The following ENTPD8 variants were observed in gnomAD, a reference collection of about 807,000 sequenced individuals.
ENTPD8 encodes the protein E-NTPDase 8.
ENTPD8 carries 35 observed loss-of-function variants against 47.0 expected under a neutral mutation model. The ratio of observed to expected loss-of-function variants is 0.75; its 90% CI spans 0.57 to 0.99. The LOEUF is 0.99. Among genes scored for constraint, ENTPD8 ranks in the 50% least tolerant of loss-of-function variants. ENTPD8 has a pLI of 0.00. For synonymous variants in ENTPD8, 308 were observed against 290.5 expected (o/e 1.06, Z -0.61); for missense variants, 668 against 649.9 (o/e 1.03, Z -0.30).
chr9:137,435,367 T>C lies in ENTPD8; in HGVS notation c.1162-29A>G, dbSNP rs745893259. ...GGGCCCAGGAGACCAAGAGGCGAGG[T>C]GAGGGCCCCTGATCCCCAGTCATGC... is the stretch of plus-strand genomic sequence containing the variant. On this transcript the variant is annotated intron_variant, in intron 8 of 9. Transcript: ENST00000371506. 3 of 1,596,148 alleles carry C rather than the reference T, an allele frequency of 1.9e-6. No homozygotes were observed. In the Admixed American group the frequency reaches 5.1e-5, roughly 27 times the overall value.
rs1434098615 is a variant in ENTPD8 at position 137,441,293 on chromosome 9, G to T, written c.-28C>A. ...ATCCCTTTGGACCCTCACCTGGGCTGGCTGCCCACTTCCCGGAGCGGCAAG... is the reference window on the plus strand; with the variant it reads ...ATCCCTTTGGACCCTCACCTGGGCTTGCTGCCCACTTCCCGGAGCGGCAAG... On this transcript the variant is annotated 5_prime_UTR_variant, in exon 1 of 10. Coordinates refer to ENST00000371506, the MANE Select transcript of ENTPD8 (RefSeq NM_001033113.2). The T allele has an allele frequency of 2.2e-5, 6 of 271,974 alleles. No individual in the cohort carries two copies. Among genetic ancestry groups the T allele is most frequent in the Non-Finnish European group, 4.5e-5 (6 of 131,940 alleles). The allele number at this position is 271,974 out of a possible 1,614,324, so 16.8% of individuals were successfully genotyped here. A position where few individuals can be genotyped will look rare whatever the true frequency, so the allele number is the denominator to read the frequency against.
In ENTPD8 at chr9:137,435,030, C is replaced by A. The variant is rs147294137; in HGVS notation, c.1372G>T (p.Ala458Ser). 3.6e-5 allele frequency: 58 copies of A among 1,612,774 alleles called. No individual in the cohort carries two copies. In the African/African-American group the frequency reaches 6.8e-4, roughly 19 times the overall value. The change falls in exon 10 of 10, where the codon GCT becomes TCT. Residue 458 changes from alanine (A) to serine (S), a missense_variant. Coordinates refer to ENST00000371506, the MANE Select transcript of ENTPD8 (RefSeq NM_001033113.2). The part of the protein sequence containing the change: ...LTGMIPADAP[A>S]QWRAESYGVW... Reference sequence around the variant, plus strand: ...CCGTAGCTCTCTGCCCGCCACTGAGCCGGCGCATCGGCCGGGATCATCCCG... The same window carrying A: ...CCGTAGCTCTCTGCCCGCCACTGAGACGGCGCATCGGCCGGGATCATCCCG...
At chr9:137,439,021 C>T (rs530453909) in intron 1 of ENTPD8, among the ~76,000 whole-genome samples, 80 of 152,256 alleles carry the variant, frequency 5.3e-4, no homozygotes, top group African/African-American at 1.9e-3. Flanking sequence ...GGGTTTCTCT[C>T]TGGAGCCCTG....
chr9:137,435,054 C>G lies in ENTPD8; in HGVS notation c.1348G>C (p.Gly450Arg). The change falls in exon 10 of 10, where the codon GGG becomes CGG. Residue 450 changes from glycine (G) to arginine (R), a missense_variant. Gly to Arg is a moderately radical substitution (Grantham distance 125). Coordinates refer to ENST00000371506, the MANE Select transcript of ENTPD8 (RefSeq NM_001033113.2). Reference sequence around the variant, plus strand: ...GCCGGCGCATCGGCCGGGATCATCCCGGTCAGGTTCAGCATGTAGCCCAGT... The same window carrying G: ...GCCGGCGCATCGGCCGGGATCATCCGGGTCAGGTTCAGCATGTAGCCCAGT... ...WTLGYMLNLT[G>R]MIPADAPAQW... 3 of 1,612,338 alleles carry G rather than the reference C, an allele frequency of 1.9e-6. No individual in the cohort carries two copies. The highest frequency in any genetic ancestry group is 2.5e-6 in the Non-Finnish European group (3 of 1,179,862).
Position 137,436,104 on chromosome 9 carries a change from A to AT in ENTPD8, c.958dup (p.Ile320AsnfsTer19). On this transcript the variant is annotated frameshift_variant, in exon 7 of 10. Coordinates refer to ENST00000371506, the MANE Select transcript of ENTPD8 (RefSeq NM_001033113.2). LOFTEE classifies it high-confidence loss of function. ...GCTGGAGAAGTTGAAAAGTTCCCGG[A>AT]TGGCTGAGACGCAGGCTCCAGGGTT... 5 of 1,613,008 alleles carry AT rather than the reference A, an allele frequency of 3.1e-6. No individual in the cohort carries two copies. Among genetic ancestry groups the AT allele is most frequent in the Non-Finnish European group, 4.2e-6 (5 of 1,179,984 alleles).
chr9:137,437,003 C>T lies in ENTPD8; in HGVS notation c.421G>A (p.Asp141Asn). The T allele has an allele frequency of 1.9e-6, 3 of 1,612,800 alleles. No individual in the cohort carries two copies. Among genetic ancestry groups the T allele is most frequent in the South Asian group, 2.2e-5 (2 of 91,076 alleles). Residue 141 changes from aspartate (D) to asparagine (N), a missense_variant, in exon 5 of 10, where the codon GAC (aspartate) becomes AAC (asparagine). By Grantham distance (23) the Asp-to-Asn change is conservative (BLOSUM62 1). Coordinates refer to ENST00000371506, the MANE Select transcript of ENTPD8 (RefSeq NM_001033113.2). ...ACCTGGGTGACTGCTGCAAAGATGT[C>T]CCTGGCCTGAGAGCTGTTCTTCCGG... The part of the protein sequence containing the change: ...LSRKNSSQAR[D>N]IFAAVTQVLG...
chr9:137,438,478 G>A lies in ENTPD8; in HGVS notation c.-20-173C>T, dbSNP rs763604890. Among the ~76,000 whole-genome samples the A allele has an allele frequency of 6.6e-6, 1 of 151,304 alleles. No individual in the cohort carries two copies. The highest frequency in any genetic ancestry group is 1.5e-5 in the Non-Finnish European group (1 of 67,750). On this transcript the variant is annotated intron_variant, in intron 1 of 9. Coordinates refer to ENST00000371506, the MANE Select transcript of ENTPD8 (RefSeq NM_001033113.2). The surrounding 1 kb of genome is among the most constrained non-coding windows in gnomAD (Gnocchi z 5.7). ...CCGTGGCCATAGAGGCATCCCCGGG[G>A]CTCAGACGGTCTCCCGTGGCCTTAG...
Position 137,434,463 on chromosome 9 carries a change from C to A in ENTPD8, c.*451G>T. ...GGCTGGCCCAGCAGAAGCCCCCAGG[C>A]CTGGACTCCATCCATCTGCTCAGAC... On this transcript the variant is annotated 3_prime_UTR_variant, in exon 10 of 10. Transcript: ENST00000371506. 7.4e-7 allele frequency: 1 copy of A among 1,345,166 alleles called. No individual in the cohort carries two copies. Among genetic ancestry groups the A allele is most frequent in the Non-Finnish European group, 1.0e-6 (1 of 992,514 alleles). The allele number at this position is 1,345,166 out of a possible 1,614,324, so 83.3% of individuals were successfully genotyped here. A position where few individuals can be genotyped will look rare whatever the true frequency, so the allele number is the denominator to read the frequency against.
chr9:137,436,923 G>A lies in ENTPD8; in HGVS notation c.501C>T (p.Ala167=), dbSNP rs139821464. The part of the protein sequence containing the change: ...FWGAELLAGQ[A]EGAFGWITVN... ...CAGTGATCCAACCAAAGGCACCTTC[G>A]GCCTGCCCGGCCAGGAGCTCGGCAC... The change falls in exon 5 of 10, where the codon GCC becomes GCT. Residue 167 remains alanine, a synonymous_variant. Transcript: ENST00000371506. 1.3e-3 allele frequency: 2,066 copies of A among 1,613,052 alleles called. 36 individuals carry two copies. In the South Asian group the frequency reaches 0.016, roughly 12 times the overall value.
In ENTPD8 at chr9:137,436,500, C is replaced by A. The variant is rs199629332; in HGVS notation, c.786+21G>T. On this transcript the variant is annotated intron_variant, in intron 6 of 9. Coordinates refer to ENST00000371506, the MANE Select transcript of ENTPD8 (RefSeq NM_001033113.2). Reference sequence around the variant, plus strand: ...AGCCCTGTTCCCACAGCCCCATGCACCCTCCCCAGGGCCAGCTGACCTGTA... The same window carrying A: ...AGCCCTGTTCCCACAGCCCCATGCAACCTCCCCAGGGCCAGCTGACCTGTA... The A allele has an allele frequency of 5.1e-6, 8 of 1,583,162 alleles. No homozygotes were observed. The Admixed American group carries it at 5.5e-5, about 11-fold the overall frequency.
intron 3 of ENTPD8, 142 bp from the exon 4 acceptor site, chr9:137,437,451 A>G (rs903548004): frequency 2.8e-5 from 29 of 1,045,800 alleles, no homozygotes; most frequent in Non-Finnish European, 3.8e-5. Flanking sequence ...TGAAGGAAGC[A>G]GGAAGGACCC....
Position 137,434,868 on chromosome 9 carries a change from A to G in ENTPD8, c.*46T>C. ...GCTCAGGAAGCCTCCAGCATCCGGG[A>G]CGCAGCTGCCTGTGGGCTCTGTGGG... On this transcript the variant is annotated 3_prime_UTR_variant, in exon 10 of 10. Coordinates refer to ENST00000371506, the MANE Select transcript of ENTPD8 (RefSeq NM_001033113.2). 6.5e-7 allele frequency: 1 copy of G among 1,534,414 alleles called. No homozygotes were observed. The highest frequency in any genetic ancestry group is 1.4e-5 in the African/African-American group (1 of 73,358).
Position 137,436,205 on chromosome 9 carries a change from CG to C in ENTPD8, c.857del (p.Pro286ArgfsTer14). 2.5e-6 allele frequency: 4 copies of C among 1,612,302 alleles called. No homozygotes were observed. Among genetic ancestry groups the C allele is most frequent in the Non-Finnish European group, 3.4e-6 (4 of 1,179,656 alleles). ...CGTGGACACAGGGTGACTCATACAG[CG>C]GGCCCAGGGCCAGTGTGGTCTGGTA... is the stretch of plus-strand genomic sequence containing the variant. The part of the protein sequence containing the change: ...SGYQTTLALG[P>X]LYESPCVHAT... On this transcript the variant is annotated frameshift_variant, in exon 7 of 10. Coordinates refer to ENST00000371506, the MANE Select transcript of ENTPD8 (RefSeq NM_001033113.2). LOFTEE classifies it high-confidence loss of function.
chr9:137,436,796 C>G, intron 5 of ENTPD8, 45 bp from the exon 6 acceptor site: 1 of 1,602,134 alleles, frequency 6.2e-7, no homozygotes, highest in South Asian at 1.1e-5. Context: ...CCACCCGGAC[C>G]CCGTCCCGGT....
chr9:137,435,821 G>A lies in ENTPD8; in HGVS notation c.1059C>T (p.Ser353=), dbSNP rs1839332209. The A allele has an allele frequency of 6.2e-7, 1 of 1,613,460 alleles. No individual in the cohort carries two copies. Among genetic ancestry groups the A allele is most frequent in the Middle Eastern group, 1.6e-4 (1 of 6,062 alleles). The change falls in exon 8 of 10, where the codon TCC becomes TCT. Residue 353 remains serine (S), a synonymous_variant. Transcript: ENST00000371506. ...PPLRGQFYAF[S]NFYYTFHFLN... ...GGAAGTGGAAGGTGTAGTAGAAGTT[G>A]GAGAAGGCCTGAGTGAGAGGGGAGG...
intron 8 of ENTPD8, 74 bp from the exon 9 acceptor site, chr9:137,435,412 C>T: frequency 6.5e-7 from 1 of 1,536,182 alleles, no homozygotes; most frequent in Non-Finnish European, 8.7e-7. Context: ...CCCATCTGTC[C>T]TGGCCAACCT....
chr9:137,436,775 G>T (rs1333258192), intron 5 of ENTPD8, 24 bp from the exon 6 acceptor site: 1 of 1,602,170 alleles, frequency 6.2e-7, no homozygotes. Context: ...GGGCCACTCA[G>T]CTGGGAGCAG....
chr9:137,436,560 C>T lies in ENTPD8; in HGVS notation c.747G>A (p.Arg249=). 6.2e-7 allele frequency: 1 copy of T among 1,611,726 alleles called. No homozygotes were observed. The change falls in exon 6 of 10, where the codon CGG becomes CGA. Residue 249 remains arginine, a synonymous_variant. Transcript: ENST00000371506. ...VYTHSYLCFG[R]DQMLSRLLVG... ...CGAGGAGCCTGCTCAGCATCTGGTC[C>T]CGTCCAAAGCACAGGTAGCTGTGAG... is the stretch of plus-strand genomic sequence containing the variant.
chr9:137,435,871 G>A (rs531994650), intron 7 of ENTPD8, 42 bp from the exon 8 acceptor site: 8 of 1,606,712 alleles, frequency 5.0e-6, no homozygotes, highest in Admixed American at 3.3e-5. Context: ...CTGTGGCCAC[G>A]CTGGGCCAGA....
Sources: gnomAD v4.1 joint callset for allele counts (sites outside exome capture counted in the v4.1 genomes callset) on GRCh38, gnomAD v4.1.1 for gene constraint, Gnocchi (gnomAD v3.1) non-coding constraint, MANE v1.5 for transcripts, NCBI Gene and HGNC (gene_info 2026-07-23, HGNC 2026-07-21) for gene names.